Variants in GDPD3 observed in about 807,000 individuals in gnomAD.
GDPD3 encodes the protein lysophospholipase D GDPD3.
In GDPD3, 40 loss-of-function variants were observed where a neutral mutation model predicts 43.7. The observed-to-expected ratio is 0.91, with a 90% CI of 0.71 to 1.19. The LOEUF is 1.19. Among genes scored for constraint, GDPD3 ranks in the 50% most tolerant of loss-of-function variants. The probability of loss-of-function intolerance (pLI) is 0.00; values close to 1 mark genes in which losing one functional copy is unlikely to be tolerated. For synonymous variants in GDPD3, 145 were observed against 162.9 expected (o/e 0.89, Z 0.84); for missense variants, 363 against 415.8 (o/e 0.87, Z 1.11).
At chr16:30,105,359 A>G (rs1596867961) in intron 9 of GDPD3, among the ~76,000 whole-genome samples, 1 of 151,328 alleles carries the variant, frequency 6.6e-6, no homozygotes, top group South Asian at 2.1e-4. Context: ...TGGAAGACTG[A>G]GGTGAAAGAA....
chr16:30,112,110 G>A lies in GDPD3; in HGVS notation c.573+22C>T, dbSNP rs756570449. The A allele has an allele frequency of 6.9e-6, 11 of 1,599,430 alleles. No individual in the cohort carries two copies. In the East Asian group the frequency reaches 2.5e-4, roughly 36 times the overall value. ...GGGCCCCTGGAGGAGGAAGAGGACG[G>A]GGGAGGGGTGGGGGGACTCACGGCA... On this transcript the variant is annotated intron_variant, in intron 6 of 9. Transcript: ENST00000406256. The surrounding 1 kb of genome is among the most constrained non-coding windows in gnomAD (Gnocchi z 5.4).
chr16:30,111,999 A>G (rs767077396), intron 6 of GDPD3, 133 bp downstream of exon 6: 25 of 667,434 alleles, frequency 3.7e-5, no homozygotes, highest in Non-Finnish European at 5.8e-5. Context: ...CACCCTTTTC[A>G]TTGCCACCGC....
Position 30,112,877 on chromosome 16 carries a change from G to A in GDPD3, c.183-84C>T. The stretch of plus-strand genomic sequence containing the variant: ...GGCTGGGAGGTGGCCGGGAATGTGA[G>A]AGCGGAGTTCGTGGCGGGATGTGCA... On this transcript the variant is annotated intron_variant, in intron 2 of 9. Transcript: ENST00000406256. This position sits in a 1 kb window ranked among gnomAD's most constrained non-coding sequence, Gnocchi z 5.4. 6.5e-7 allele frequency: 1 copy of A among 1,549,736 alleles called. No homozygotes were observed. Among genetic ancestry groups the A allele is most frequent in the Non-Finnish European group, 8.9e-7 (1 of 1,128,192 alleles).
Position 30,113,421 on chromosome 16 carries a change from T to C in GDPD3, c.58A>G (p.Ile20Val). 6.2e-7 allele frequency: 1 copy of C among 1,611,720 alleles called. No homozygotes were observed. The highest frequency in any genetic ancestry group is 2.2e-5 in the East Asian group (1 of 44,758). ...AGATGAGGCCGGCGCAGGAAGAAGA[T>C]GGAGAGCATGGCATAGCTGCCCAGG... Reference protein sequence around the residue: ...PALGSYAMLSIFFLRRPHLLH... With the variant: ...PALGSYAMLSVFFLRRPHLLH... The change falls in exon 1 of 10, where the codon ATC (isoleucine) becomes GTC (valine). Residue 20 changes from isoleucine (I) to valine (V), a missense_variant. Coordinates refer to ENST00000406256, the MANE Select transcript of GDPD3 (RefSeq NM_024307.3). The surrounding 1 kb of genome is among the most constrained non-coding windows in gnomAD (Gnocchi z 5.9).
In GDPD3 at chr16:30,108,200, G is replaced by A. The variant is rs745351218; in HGVS notation, c.819+13C>T. ...AGGTCTGTGTGCGGTGGAAGTGGTG[G>A]TCACGGCCTCACCTGCACCCCTCGC... On this transcript the variant is annotated intron_variant, in intron 9 of 9. Transcript: ENST00000406256. The A allele has an allele frequency of 3.2e-6, 5 of 1,578,222 alleles. No homozygotes were observed. Among genetic ancestry groups the A allele is most frequent in the Non-Finnish European group, 4.3e-6 (5 of 1,158,688 alleles).
chr16:30,106,858 G>A lies in GDPD3; in HGVS notation c.819+1355C>T, dbSNP rs137881205. On this transcript the variant is annotated intron_variant, in intron 9 of 9. Transcript: ENST00000406256. ...AGTAGAGCTGGGATTACAGGCATGC[G>A]CCACCATACCCGGATAATGTTTACA... Among the ~76,000 whole-genome samples, 829 of 152,068 alleles carry A rather than the reference G, an allele frequency of 5.5e-3. 8 individuals carry two copies. Among genetic ancestry groups the A allele is most frequent in the African/African-American group, 0.019 (781 of 41,476 alleles).
At chr16:30,111,838 C>T (rs899966092) in intron 6 of GDPD3, 3 of 537,380 alleles carry the variant, frequency 5.6e-6, no homozygotes, top group African/African-American at 1.9e-5. Context: ...GAGGCTGAAG[C>T]ATGAGAATCG....
chr16:30,106,795 C>T (rs1197861502), intron 9 of GDPD3, among the ~76,000 whole-genome samples: 6 of 152,270 alleles, frequency 3.9e-5, no homozygotes, highest in African/African-American at 1.2e-4. Context: ...TAGCCTCCAG[C>T]TCCTGGGTTC....
chr16:30,108,761 C>G (rs2072878019), intron 7 of GDPD3, among the ~76,000 whole-genome samples: 1 of 152,162 alleles, frequency 6.6e-6, no homozygotes, highest in Admixed American at 6.5e-5. Flanking sequence ...AGCTGGACAT[C>G]CAGGCTGCAG....
Position 30,111,444 on chromosome 16 carries a change from G to C in GDPD3, c.651C>G (p.Pro217=), listed in dbSNP as rs1217151057. The change falls in exon 7 of 10, where the codon CCC becomes CCG. Residue 217 remains proline, a synonymous_variant. Coordinates refer to ENST00000406256, the MANE Select transcript of GDPD3 (RefSeq NM_024307.3). ...AGAACTTCTCAGGGATTGGGATGAA[G>C]GGCAGCAGCCCCAGGTAGTAGGAAA... The part of the protein sequence containing the change: ...VLLSYYLGLL[P]FIPIPEKFFF... 6.2e-7 allele frequency: 1 copy of C among 1,614,006 alleles called. No homozygotes were observed. The highest frequency in any genetic ancestry group is 1.1e-5 in the South Asian group (1 of 91,078).
intron 7 of GDPD3, among the ~76,000 whole-genome samples, chr16:30,109,198 G>C (rs902634826): frequency 6.6e-6 from 1 of 152,136 alleles, no homozygotes; most frequent in Non-Finnish European, 1.5e-5. Context: ...CTGGACTCAA[G>C]CAATCCTCCC....
At chr16:30,107,287 T>C (rs1248471470) in intron 9 of GDPD3, among the ~76,000 whole-genome samples, 1 of 152,008 alleles carries the variant, frequency 6.6e-6, no homozygotes, top group Non-Finnish European at 1.5e-5. Flanking sequence ...TTAAATTTTT[T>C]GTAGAGACGA....
chr16:30,109,188 C>A (rs542229387), intron 7 of GDPD3, among the ~76,000 whole-genome samples: 1 of 152,176 alleles, frequency 6.6e-6, no homozygotes, highest in Non-Finnish European at 1.5e-5. Context: ...TCTTGAACTC[C>A]TGGACTCAAG....
Position 30,112,611 on chromosome 16 carries a change from C to T in GDPD3, c.319-43G>A. On this transcript the variant is annotated intron_variant, in intron 3 of 9. Coordinates refer to ENST00000406256, the MANE Select transcript of GDPD3 (RefSeq NM_024307.3). The surrounding 1 kb of genome is among the most constrained non-coding windows in gnomAD (Gnocchi z 5.4). ...GATGTCACTAGAGGCCCGCATTGGGCATGGTGACTCTCAGGGTGGGGGTTG... is the reference window on the plus strand; with the variant it reads ...GATGTCACTAGAGGCCCGCATTGGGTATGGTGACTCTCAGGGTGGGGGTTG... 1 of 1,613,942 alleles carries T rather than the reference C, an allele frequency of 6.2e-7. No individual in the cohort carries two copies. The highest frequency in any genetic ancestry group is 8.5e-7 in the Non-Finnish European group (1 of 1,179,910).
Position 30,113,284 on chromosome 16 carries a change from A to G in GDPD3, c.139+56T>C. ...CCCCGTTTCTAGCATGCCCCCTTGG[A>G]CCTACCCCTCTGTGCTGTCCACTTT... is the stretch of plus-strand genomic sequence containing the variant. On this transcript the variant is annotated intron_variant, in intron 1 of 9. Transcript: ENST00000406256. This position sits in a 1 kb window ranked among gnomAD's most constrained non-coding sequence, Gnocchi z 5.9. 1 of 1,545,380 alleles carries G rather than the reference A, an allele frequency of 6.5e-7. No individual in the cohort carries two copies. The highest frequency in any genetic ancestry group is 8.7e-7 in the Non-Finnish European group (1 of 1,143,892).
intron 7 of GDPD3, chr16:30,111,165 A>T: frequency 3.9e-6 from 2 of 516,664 alleles, no homozygotes; most frequent in Non-Finnish European, 6.9e-6. Context: ...ATGGCCTGAG[A>T]TGGATAAATT....
chr16:30,104,935 C>A lies in GDPD3; in HGVS notation c.894G>T (p.Thr298=). The change falls in exon 10 of 10, where the codon ACG becomes ACT. Residue 298 remains threonine (T), a synonymous_variant. Coordinates refer to ENST00000406256, the MANE Select transcript of GDPD3 (RefSeq NM_024307.3). ...AFSVGATGVI[T]DYPTALRHYL... is the part of the protein sequence containing the mutation. The stretch of plus-strand genomic sequence containing the variant: ...AGTGCCGCAGGGCTGTGGGATAATC[C>A]GTTATGACGCCAGTGGCTCCCACGC... The A allele has an allele frequency of 6.2e-7, 1 of 1,612,842 alleles. No individual in the cohort carries two copies. The highest frequency in any genetic ancestry group is 8.5e-7 in the Non-Finnish European group (1 of 1,179,942).
chr16:30,108,148 G>A, intron 9 of GDPD3, 65 bp downstream of exon 9: 1 of 1,413,270 alleles, frequency 7.1e-7, no homozygotes, highest in East Asian at 2.3e-5. Context: ...CTAGTTGGCA[G>A]CAGAGTGGGA....
Position 30,113,441 on chromosome 16 carries a change from C to T in GDPD3, c.38G>A (p.Gly13Asp). 6.2e-7 allele frequency: 1 copy of T among 1,608,654 alleles called. No homozygotes were observed. Among genetic ancestry groups the T allele is most frequent in the Non-Finnish European group, 8.5e-7 (1 of 1,176,800 alleles). ...LLLYYALPAL[G>D]SYAMLSIFFL... Reference sequence around the variant, plus strand: ...GAAGATGGAGAGCATGGCATAGCTGCCCAGGGCAGGGAGGGCATAGTACAG... The same window carrying T: ...GAAGATGGAGAGCATGGCATAGCTGTCCAGGGCAGGGAGGGCATAGTACAG... The change falls in exon 1 of 10, where the codon GGC becomes GAC. Residue 13 changes from glycine (G) to aspartate (D), a missense_variant. By Grantham distance (94) the Gly-to-Asp change is moderately conservative. Transcript: ENST00000406256. The surrounding 1 kb of genome is among the most constrained non-coding windows in gnomAD (Gnocchi z 5.9).
Sources: allele counts gnomAD v4.1 joint callset (sites outside exome capture counted in the v4.1 genomes callset), GRCh38; gene constraint gnomAD v4.1.1; non-coding constraint Gnocchi (gnomAD v3.1); transcripts MANE v1.5; gene names NCBI Gene and HGNC (gene_info 2026-07-23, HGNC 2026-07-21).